The following NOTCH1 variants were observed in gnomAD, a reference collection of about 807,000 sequenced individuals.
NOTCH1 encodes notch receptor 1, also known as neurogenic locus notch homolog protein 1.
In NOTCH1, 37 loss-of-function variants were observed where a neutral mutation model predicts 254.8. The ratio of observed to expected loss-of-function variants is 0.15; its 90% CI spans 0.11 to 0.19. The LOEUF (loss-of-function observed/expected upper bound fraction) is 0.19, where lower values mean the gene tolerates loss of function less well. NOTCH1 is among the 10% of genes least tolerant of loss of function. The pLI is 1.00. For missense variants in NOTCH1, 2,972 were observed against 3,708.6 expected (o/e 0.80, Z 5.16); for synonymous variants, 1,731 against 1,618.1 (o/e 1.07, Z -1.68).
Position 136,508,148 on chromosome 9 carries a change from G to C in NOTCH1, c.3326-9C>G, listed in dbSNP as rs994509635. 1 of 1,608,086 alleles carries C rather than the reference G, an allele frequency of 6.2e-7. No individual in the cohort carries two copies. Among genetic ancestry groups the C allele is most frequent in the Non-Finnish European group, 8.5e-7 (1 of 1,179,666 alleles). On this transcript the variant is annotated splice_polypyrimidine_tract_variant and intron_variant, in intron 20 of 33. Transcript: ENST00000651671. ...GCGGGCAACGTCAACACCTGCGGGG[G>C]ATGGGGTGGTAGACAGGTGAGGCCC...
intron 2 of NOTCH1, among the ~76,000 whole-genome samples, chr9:136,525,763 G>A (rs1428128247): frequency 6.6e-6 from 1 of 152,234 alleles, no homozygotes; most frequent in Non-Finnish European, 1.5e-5. Flanking sequence ...ACCCCGAGGG[G>A]CTTGTGGAGG....
rs1843091724 is a variant in NOTCH1 at position 136,506,719 on chromosome 9, T to C, written c.3898A>G (p.Thr1300Ala). The C allele has an allele frequency of 6.3e-7, 1 of 1,598,968 alleles. No individual in the cohort carries two copies. The highest frequency in any genetic ancestry group is 1.3e-5 in the African/African-American group (1 of 74,672). Residue 1300 changes from threonine to alanine, a missense_variant, in exon 23 of 34, where the codon ACC (threonine) becomes GCC (alanine). Physicochemically the swap from Thr to Ala is moderately conservative, Grantham distance 58. Coordinates refer to ENST00000651671, the MANE Select transcript of NOTCH1 (RefSeq NM_017617.5). This position sits in a 1 kb window ranked among gnomAD's most constrained non-coding sequence, Gnocchi z 4.5. ...CCCGCCTGGGCGCGGCACCCACCGG[T>C]GTGACCAGCACGGCACTCGCAGTGG... ...DFHCECRAGH[T>A]GRRCESVING... is the part of the protein sequence containing the mutation.
intron 2 of NOTCH1, among the ~76,000 whole-genome samples, chr9:136,530,048 T>C (rs1164225864): frequency 2.0e-5 from 3 of 152,168 alleles, no homozygotes; most frequent in African/African-American, 7.2e-5. Flanking sequence ...CAGTGGGGGC[T>C]TCAGGGAGGT....
In NOTCH1 at chr9:136,511,210, C is replaced by A. The variant is rs1191070636; in HGVS notation, c.2529G>T (p.Glu843Asp). The A allele has an allele frequency of 1.2e-6, 2 of 1,610,638 alleles. No individual in the cohort carries two copies. Among genetic ancestry groups the A allele is most frequent in the African/African-American group, 2.7e-5 (2 of 74,940 alleles). The change falls in exon 16 of 34, where the codon GAG (glutamate) becomes GAT (aspartate). Residue 843 changes from glutamate (E) to aspartate (D), a missense_variant. By Grantham distance (45) the Glu-to-Asp change is conservative. This residue lies in a region of NOTCH1 where 1,343 missense variants were observed against 1,557.0 expected (regional missense o/e 0.86). Transcript: ENST00000651671. Reference sequence around the variant, plus strand: ...TCTCATAGTCCTCGGATTGCCTGCACTCCCCGCCGTTTCTGCAGGGGCTGG... The same window carrying A: ...TCTCATAGTCCTCGGATTGCCTGCAATCCCCGCCGTTTCTGCAGGGGCTGG... ...CAPSPCRNGG[E>D]CRQSEDYESF...
In NOTCH1 at chr9:136,540,945, G is replaced by T. The variant is rs3013304; in HGVS notation, c.140+3079C>A. On this transcript the variant is annotated intron_variant, in intron 2 of 33. Coordinates refer to ENST00000651671, the MANE Select transcript of NOTCH1 (RefSeq NM_017617.5). This position sits in a 1 kb window ranked among gnomAD's most constrained non-coding sequence, Gnocchi z 4.4. ...GGACGTAGTCTCACCCAGACAGATA[G>T]GGTCCCTGCAGCTCTTCCCAGCTCT... is the stretch of plus-strand genomic sequence containing the variant. 6.6e-6 allele frequency among the ~76,000 whole-genome samples: 1 copy of T among 151,998 alleles called. No homozygotes were observed.
chr9:136,507,087 A>G (rs1843100205), intron 22 of NOTCH1, 114 bp from the exon 23 acceptor site: 1 of 1,506,718 alleles, frequency 6.6e-7, no homozygotes, highest in South Asian at 1.2e-5. Context: ...GACACTCGGG[A>G]GAGGCAGGTG....
Position 136,496,643 on chromosome 9 carries a change from G to T in NOTCH1, c.7096C>A (p.Gln2366Lys). ...ASALSQMMSYQGLPSTRLATQ... is the reference protein window; with the variant it reads ...ASALSQMMSYKGLPSTRLATQ... Reference sequence around the variant, plus strand: ...GCCAGCCGGGTGCTGGGCAGGCCCTGGTAGCTCATCATCTGGGACAGGGCG... The same window carrying T: ...GCCAGCCGGGTGCTGGGCAGGCCCTTGTAGCTCATCATCTGGGACAGGGCG... The change falls in exon 34 of 34, where the codon CAG becomes AAG. Residue 2366 changes from glutamine to lysine, a missense_variant. Gln to Lys is a moderately conservative substitution (Grantham distance 53). Transcript: ENST00000651671. The T allele has an allele frequency of 6.2e-7, 1 of 1,613,132 alleles. No individual in the cohort carries two copies.
intron 1 of NOTCH1, among the ~76,000 whole-genome samples, chr9:136,544,509 G>A (rs1193131749): frequency 6.6e-6 from 1 of 152,132 alleles, no homozygotes; most frequent in Non-Finnish European, 1.5e-5. Flanking sequence ...CCATCCAGCC[G>A]CCGAGATTGC....
At chr9:136,507,047 A>G (rs1420763401) in intron 22 of NOTCH1, 74 bp from the exon 23 acceptor site, 32 of 1,562,522 alleles carry the variant, frequency 2.0e-5, no homozygotes, top group Non-Finnish European at 2.7e-5. Context: ...TCCGTCCCGG[A>G]AGACGAGCGC....
In NOTCH1 at chr9:136,506,953, CGTT is replaced by C; in HGVS notation, c.3661_3663del (p.Asn1221del). ...TCAACGGGGGGATTGCAGTCGTCCACGTTGATCTCACAGTGCACACCTGCGGGG... is the reference window on the plus strand; with the variant it reads ...TCAACGGGGGGATTGCAGTCGTCCACGATCTCACAGTGCACACCTGCGGGG... On this transcript the variant is annotated inframe_deletion, in exon 23 of 34. Coordinates refer to ENST00000651671, the MANE Select transcript of NOTCH1 (RefSeq NM_017617.5). This position sits in a 1 kb window ranked among gnomAD's most constrained non-coding sequence, Gnocchi z 4.5. The C allele has an allele frequency of 6.2e-7, 1 of 1,609,206 alleles. No homozygotes were observed.
At chr9:136,504,472 G>A (rs1843045394) in intron 26 of NOTCH1, among the ~76,000 whole-genome samples, 1 of 152,258 alleles carries the variant, frequency 6.6e-6, no homozygotes, top group Admixed American at 6.5e-5. Context: ...TGTGGGGTCA[G>A]GGCCCTGAGC....
intron 2 of NOTCH1, among the ~76,000 whole-genome samples, chr9:136,527,987 C>A (rs182360309): frequency 6.6e-6 from 1 of 152,240 alleles, no homozygotes; most frequent in Non-Finnish European, 1.5e-5. Context: ...CTCCAGAAAG[C>A]AGCAGGAGGC....
chr9:136,543,875 T>G, intron 2 of NOTCH1, 149 bp downstream of exon 2: 2 of 783,760 alleles, frequency 2.6e-6, no homozygotes, highest in South Asian at 2.9e-5. Flanking sequence ...ATTGCCAGAC[T>G]TTGTCCAATA....
At position 136,545,817 on chromosome 9, in the gene NOTCH1, G is replaced by GCGGCGGCCTCCTGCGCTGGC; in HGVS notation, c.-51_-32dup. ...CCCACCGGCTGCCCTCTGCGCCCGG[G>GCGGCGGCCTCCTGCGCTGGC]CGGCGGCCTCCTGCGCTGGCCGGCG... is the stretch of plus-strand genomic sequence containing the variant. On this transcript the variant is annotated 5_prime_UTR_variant, in exon 1 of 34. Coordinates refer to ENST00000651671, the MANE Select transcript of NOTCH1 (RefSeq NM_017617.5). This position sits in a 1 kb window ranked among gnomAD's most constrained non-coding sequence, Gnocchi z 6.8. 1 of 1,223,846 alleles carries GCGGCGGCCTCCTGCGCTGGC rather than the reference G, an allele frequency of 8.2e-7. No individual in the cohort carries two copies. Among genetic ancestry groups the GCGGCGGCCTCCTGCGCTGGC allele is most frequent in the Non-Finnish European group, 1.0e-6 (1 of 976,636 alleles). 75.8% of individuals were successfully genotyped at this position (1,223,846 alleles called of 1,614,324 possible). A position where few individuals can be genotyped will look rare whatever the true frequency, so the allele number is the denominator to read the frequency against.
In NOTCH1 at chr9:136,504,989, T is replaced by C. The variant is rs2133337323; in HGVS notation, c.4702A>G (p.Arg1568Gly). Residue 1568 changes from arginine to glycine, a missense_variant, in exon 26 of 34, where the codon AGG becomes GGG. Around this residue, in one of 8 missense-constraint regions of NOTCH1, gnomAD observed 1,343 missense variants for 1,557.0 expected, o/e 0.86. Transcript: ENST00000651671. Reference sequence around the variant, plus strand: ...ACCACCAGCGTGCCGGCCGCCAGCCTCTCGGGTACATGCTCCGCACAGTCC... The same window carrying C: ...ACCACCAGCGTGCCGGCCGCCAGCCCCTCGGGTACATGCTCCGCACAGTCC... Reference protein sequence around the residue: ...GLDCAEHVPERLAAGTLVVVV... With the variant: ...GLDCAEHVPEGLAAGTLVVVV... 1 of 1,597,462 alleles carries C rather than the reference T, an allele frequency of 6.3e-7. No individual in the cohort carries two copies.
Position 136,505,329 on chromosome 9 carries a change from G to T in NOTCH1, c.4567C>A (p.Arg1523Ser), listed in dbSNP as rs746025437. 6.3e-7 allele frequency: 1 copy of T among 1,587,460 alleles called. No individual in the cohort carries two copies. Among genetic ancestry groups the T allele is most frequent in the Admixed American group, 1.8e-5 (1 of 55,216 alleles). Reference protein sequence around the residue: ...GCLFDGFDCQRAEGQCNPLYD... With the variant: ...GCLFDGFDCQSAEGQCNPLYD... ...CCTTACTTGCACTGGCCTTCCGCAC[G>T]CTGGCAGTCAAAGCCGTCGAAGAGG... The change falls in exon 25 of 34, where the codon CGT becomes AGT. Residue 1523 changes from arginine to serine, a missense_variant. Transcript: ENST00000651671.
At chr9:136,544,337 G>T (rs1213634264) in intron 1 of NOTCH1, among the ~76,000 whole-genome samples, 1 of 152,360 alleles carries the variant, frequency 6.6e-6, no homozygotes, top group South Asian at 2.1e-4. Context: ...GAAATGGGGG[G>T]AAGGGGAGCA....
At chr9:136,510,091 G>C (rs561453309) in intron 17 of NOTCH1, 130 bp from the exon 18 acceptor site, 620 of 847,284 alleles carry the variant, frequency 7.3e-4, no homozygotes, top group Non-Finnish European at 1.1e-3. Flanking sequence ...GCAGCCCTGT[G>C]ACAAAGGTGT....
chr9:136,494,930 C>G lies in NOTCH1; in HGVS notation c.*1141G>C. The G allele has an allele frequency of 2.5e-6, 1 of 398,750 alleles. No homozygotes were observed. The highest frequency in any genetic ancestry group is 4.4e-6 in the Non-Finnish European group (1 of 225,992). The allele number at this position is 398,750 out of a possible 1,614,324, so 24.7% of individuals were successfully genotyped here. On this transcript the variant is annotated 3_prime_UTR_variant, in exon 34 of 34. Transcript: ENST00000651671. Reference sequence around the variant, plus strand: ...CGCCTCCCTCCAGCCCCTGCCCGACCGCATGCCCCCTGCCAGGGCTGCGGG... The same window carrying G: ...CGCCTCCCTCCAGCCCCTGCCCGACGGCATGCCCCCTGCCAGGGCTGCGGG...
Sources: gnomAD v4.1 joint callset for allele counts (sites outside exome capture counted in the v4.1 genomes callset) on GRCh38, gnomAD v4.1.1 for gene constraint, gnomAD v4.1.1 regional missense constraint, Gnocchi (gnomAD v3.1) non-coding constraint, MANE v1.5 for transcripts, NCBI Gene and HGNC (gene_info 2026-07-23, HGNC 2026-07-21) for gene names.